IGF1R: variants seen among roughly 807,000 people sequenced by gnomAD.
IGF1R encodes insulin-like growth factor 1 receptor.
A neutral mutation model predicts 144.6 loss-of-function variants in IGF1R; 44 were observed. That is an observed-to-expected ratio of 0.30 (90% CI 0.24 to 0.39). IGF1R has a LOEUF of 0.39. Ranked by LOEUF, IGF1R falls within the 10% of genes least tolerant of loss-of-function variation. The pLI is 1.00. For missense variants in IGF1R, 1,355 were observed against 1,833.7 expected, an observed-to-expected ratio of 0.74 and a Z score of 4.77; for synonymous variants, 795 against 722.8, an observed-to-expected ratio of 1.10 and a Z score of -1.60.
chr15:98,713,108 A>G (rs1876171747), intron 2 of IGF1R, among the ~76,000 whole-genome samples: 1 of 151,742 alleles, frequency 6.6e-6, no homozygotes, highest in South Asian at 2.1e-4. Context: ...CGTGCTGACC[A>G]GCCGGCACGG....
intron 2 of IGF1R, among the ~76,000 whole-genome samples, chr15:98,884,619 A>G (rs1468083450): frequency 1.4e-5 from 2 of 140,410 alleles, no homozygotes; most frequent in Non-Finnish European, 3.0e-5. Flanking sequence ...GCAAAGCTGG[A>G]GCTTGCAGTG....
intron 2 of IGF1R, among the ~76,000 whole-genome samples, chr15:98,808,794 C>T (rs1259126056): frequency 6.6e-6 from 1 of 151,832 alleles, no homozygotes; most frequent in Non-Finnish European, 1.5e-5. Context: ...ATCGTCCTGT[C>T]TCAGCCTCCC....
chr15:98,880,625 TTTC>T (rs1438638459), intron 2 of IGF1R: 1 of 152,228 alleles, frequency 6.6e-6, no homozygotes, highest in African/African-American at 2.4e-5. Flanking sequence ...AACTAAGTTT[TTTC>T]TTCTTCTCCA....
At chr15:98,822,828 A>G (rs139095992) in intron 2 of IGF1R, among the ~76,000 whole-genome samples, 1 of 152,368 alleles carries the variant, frequency 6.6e-6, no homozygotes, top group African/African-American at 2.4e-5. Context: ...GTTAGGTGAA[A>G]TAAATTAAGA....
At chr15:98,840,254 T>A (rs2011150736) in intron 2 of IGF1R, among the ~76,000 whole-genome samples, 2 of 152,188 alleles carry the variant, frequency 1.3e-5, no homozygotes, top group Non-Finnish European at 2.9e-5. Flanking sequence ...AGCCTCGTGA[T>A]GAAAGATACT....
At chr15:98,705,485 T>C (rs950829502) in intron 1 of IGF1R, among the ~76,000 whole-genome samples, 4 of 152,218 alleles carry the variant, frequency 2.6e-5, no homozygotes, top group African/African-American at 9.7e-5. Flanking sequence ...TTTCCTCACC[T>C]TTAAAATGGG....
chr15:98,789,932 G>A (rs2056090586), intron 2 of IGF1R, among the ~76,000 whole-genome samples: 1 of 152,180 alleles, frequency 6.6e-6, no homozygotes, highest in Non-Finnish European at 1.5e-5. Flanking sequence ...ATTTGCTTCA[G>A]ATGTACTCTG....
chr15:98,763,563 AT>A (rs1325819990), intron 2 of IGF1R, among the ~76,000 whole-genome samples: 1 of 151,722 alleles, frequency 6.6e-6, no homozygotes, highest in Non-Finnish European at 1.5e-5. Flanking sequence ...TTGGTGAGGC[AT>A]TGTAAACCGT....
rs2015287048 is a variant in IGF1R at position 98,917,072 on chromosome 15, G to C, written c.2201+196G>C. ...AGCCAGTCAGCCCTGAAGGGAACAGGGACCAGGGCTTGGGTTGCTGGGGCC... is the reference window on the plus strand; with the variant it reads ...AGCCAGTCAGCCCTGAAGGGAACAGCGACCAGGGCTTGGGTTGCTGGGGCC... On this transcript the variant is annotated intron_variant, in intron 10 of 20. Coordinates refer to ENST00000650285, the MANE Select transcript of IGF1R (RefSeq NM_000875.5). 6.1e-6 allele frequency: 4 copies of C among 659,990 alleles called. No homozygotes were observed. The Admixed American group carries it at 6.4e-5, about 11-fold the overall frequency. 40.9% of individuals were successfully genotyped at this position (659,990 alleles called of 1,614,324 possible).
intron 2 of IGF1R, among the ~76,000 whole-genome samples, chr15:98,793,039 G>T (rs1470767387): frequency 6.6e-6 from 1 of 152,110 alleles, no homozygotes; most frequent in Non-Finnish European, 1.5e-5. Flanking sequence ...ACAAAGACTG[G>T]TCCATTCCCC....
intron 2 of IGF1R, among the ~76,000 whole-genome samples, chr15:98,743,243 G>A (rs887568755): frequency 6.6e-6 from 1 of 152,066 alleles, no homozygotes; most frequent in African/African-American, 2.4e-5. Flanking sequence ...ATTTAGAAAT[G>A]GAAACACAAT....
intron 14 of IGF1R, 75 bp from the exon 15 acceptor site, chr15:98,930,160 G>T: frequency 1.0e-6 from 1 of 982,106 alleles, no homozygotes; most frequent in South Asian, 1.3e-5. Context: ...TGAAACTGTT[G>T]TAGCGAAGAT....
intron 2 of IGF1R, among the ~76,000 whole-genome samples, chr15:98,821,447 G>A (rs1487053140): frequency 6.6e-6 from 1 of 152,184 alleles, no homozygotes; most frequent in Non-Finnish European, 1.5e-5. Flanking sequence ...AGAATCATGA[G>A]TACGTAGTCA....
chr15:98,951,267 C>T (rs2016762652), intron 20 of IGF1R, among the ~76,000 whole-genome samples: 1 of 152,200 alleles, frequency 6.6e-6, no homozygotes, highest in Admixed American at 6.5e-5. Context: ...ATGGGAGGCT[C>T]CTCTTCTCTG....
intron 2 of IGF1R, among the ~76,000 whole-genome samples, chr15:98,801,906 C>T (rs889917803): frequency 2.0e-5 from 3 of 152,112 alleles, no homozygotes; most frequent in Non-Finnish European, 4.4e-5. Flanking sequence ...TTTTGCTGTC[C>T]GTGTTTTGGT....
chr15:98,727,073 G>A (rs537787959), intron 2 of IGF1R, among the ~76,000 whole-genome samples: 1 of 152,078 alleles, frequency 6.6e-6, no homozygotes, highest in Admixed American at 6.5e-5. Flanking sequence ...TCAGTGATTA[G>A]GTACCTTTGT....
chr15:98,723,120 G>A (rs948413081), intron 2 of IGF1R, among the ~76,000 whole-genome samples: 1 of 151,732 alleles, frequency 6.6e-6, no homozygotes, highest in Non-Finnish European at 1.5e-5. Flanking sequence ...ACCTGACAAC[G>A]TCTCACGCTA....
chr15:98,844,440 A>G (rs1212446492), intron 2 of IGF1R, among the ~76,000 whole-genome samples: 1 of 152,176 alleles, frequency 6.6e-6, no homozygotes, highest in Non-Finnish European at 1.5e-5. Context: ...CTCCCTGCCA[A>G]AAAAACTATT....
intron 2 of IGF1R, among the ~76,000 whole-genome samples, chr15:98,755,131 G>A (rs2055115906): frequency 6.6e-6 from 1 of 152,034 alleles, no homozygotes; most frequent in Admixed American, 6.6e-5. Flanking sequence ...CATATATGCA[G>A]TATAGTTTTG....
Sources: allele counts gnomAD v4.1 joint callset (sites outside exome capture counted in the v4.1 genomes callset), GRCh38; gene constraint gnomAD v4.1.1; transcripts MANE v1.5; gene names NCBI Gene and HGNC (gene_info 2026-07-23, HGNC 2026-07-21).